TRIO: variants seen among roughly 807,000 people sequenced by gnomAD.
TRIO encodes the protein triple functional domain protein.
A neutral mutation model predicts 351.9 loss-of-function variants in TRIO; 58 were observed. That is an observed-to-expected ratio of 0.16 (90% CI 0.13 to 0.21). The LOEUF is 0.21. Among genes scored for constraint, TRIO ranks in the 10% least tolerant of loss-of-function variants. The probability of loss-of-function intolerance (pLI) is 1.00; values close to 1 mark genes in which losing one functional copy is unlikely to be tolerated. For synonymous variants in TRIO, 1,758 were observed against 1,595.7 expected, an observed-to-expected ratio of 1.10 and a Z score of -2.42; for missense variants, 3,201 against 4,027.8, an observed-to-expected ratio of 0.79 and a Z score of 5.56.
intron 34 of TRIO, among the ~76,000 whole-genome samples, chr5:14,426,636 G>A (rs1279009309): frequency 6.6e-6 from 1 of 152,212 alleles, no homozygotes; most frequent in East Asian, 1.9e-4. Flanking sequence ...AGACAACACA[G>A]GTGTTTTAAA....
intron 1 of TRIO, among the ~76,000 whole-genome samples, chr5:14,157,381 C>T (rs563996206): frequency 6.6e-6 from 1 of 151,944 alleles, no homozygotes; most frequent in East Asian, 1.9e-4. Flanking sequence ...TTCTCTCTCT[C>T]TTTCTCTCTC....
In TRIO at chr5:14,180,865, A is replaced by G. The variant is rs558153731; in HGVS notation, c.157+36983A>G. ...GCCCCCACAAAAAAAAAAAAGAAATATAGGTAGGTAGGCAGTTTTAATTTT... is the reference window on the plus strand; with the variant it reads ...GCCCCCACAAAAAAAAAAAAGAAATGTAGGTAGGTAGGCAGTTTTAATTTT... On this transcript the variant is annotated intron_variant, in intron 1 of 56. Transcript: ENST00000344204. Among the ~76,000 whole-genome samples the G allele has an allele frequency of 2.5e-4, 38 of 151,920 alleles. No individual in the cohort carries two copies. The Middle Eastern group carries it at 0.01, about 41-fold the overall frequency.
chr5:14,357,987 T>C (rs1010281579), intron 11 of TRIO, among the ~76,000 whole-genome samples, 191 bp from the exon 12 acceptor site: 8 of 152,186 alleles, frequency 5.3e-5, no homozygotes, highest in Non-Finnish European at 1.2e-4. Flanking sequence ...GTTGTGCATG[T>C]GTTCCGCTGG....
At chr5:14,249,561 G>A (rs755253432) in intron 1 of TRIO, among the ~76,000 whole-genome samples, 1 of 152,118 alleles carries the variant, frequency 6.6e-6, no homozygotes, top group Non-Finnish European at 1.5e-5. Flanking sequence ...CAGCTGGTCC[G>A]ACCCCTTGGC....
intron 1 of TRIO, among the ~76,000 whole-genome samples, chr5:14,208,402 A>G (rs1183252942): frequency 6.6e-6 from 1 of 152,252 alleles, no homozygotes; most frequent in Non-Finnish European, 1.5e-5. Flanking sequence ...GAAAGAAGCC[A>G]GACACAAAAT....
At chr5:14,146,477 C>T (rs1787530798) in intron 1 of TRIO, among the ~76,000 whole-genome samples, 1 of 152,138 alleles carries the variant, frequency 6.6e-6, no homozygotes, top group African/African-American at 2.4e-5. Context: ...GTTCTTGTTG[C>T]CCGCATTCGG....
At chr5:14,435,132 C>T (rs1447838231) in intron 34 of TRIO, among the ~76,000 whole-genome samples, 1 of 152,152 alleles carries the variant, frequency 6.6e-6, no homozygotes, top group Non-Finnish European at 1.5e-5. Flanking sequence ...ACAGGGTCCT[C>T]ATCCATCCCA....
At chr5:14,219,164 G>C (rs1048987474) in intron 1 of TRIO, among the ~76,000 whole-genome samples, 3 of 152,138 alleles carry the variant, frequency 2.0e-5, no homozygotes, top group Non-Finnish European at 2.9e-5. Flanking sequence ...AGAAACTTAA[G>C]TTTAAGGCCA....
At position 14,297,283 on chromosome 5, in the gene TRIO, A is replaced by G; in HGVS notation, c.1368+20A>G. The G allele has an allele frequency of 6.2e-7, 1 of 1,608,334 alleles. No individual in the cohort carries two copies. The highest frequency in any genetic ancestry group is 8.5e-7 in the Non-Finnish European group (1 of 1,176,750). On this transcript the variant is annotated intron_variant, in intron 7 of 56. Coordinates refer to ENST00000344204, the MANE Select transcript of TRIO (RefSeq NM_007118.4). ...GAAAAGGTCAGTGCCTTGAACCCCC[A>G]GCCCACGAGGTGGTAACCAGAATAG...
At chr5:14,388,480 A>C in intron 23 of TRIO, 133 bp from the exon 24 acceptor site, 1 of 844,796 alleles carries the variant, frequency 1.2e-6, no homozygotes, top group Non-Finnish European at 1.9e-6. Flanking sequence ...TCTATTTGTG[A>C]TTCACCTCTC....
intron 9 of TRIO, among the ~76,000 whole-genome samples, chr5:14,317,729 C>G (rs1037554365): frequency 6.6e-6 from 1 of 152,194 alleles, no homozygotes; most frequent in Non-Finnish European, 1.5e-5. Flanking sequence ...CGGTGGCTCA[C>G]GCCTGTAATC....
rs1415440549 is a variant in TRIO at position 14,390,830 on chromosome 5, T to G, written c.4129-71T>G. On this transcript the variant is annotated intron_variant, in intron 26 of 56. Coordinates refer to ENST00000344204, the MANE Select transcript of TRIO (RefSeq NM_007118.4). ...ATTTCCGTTATCCATACTGCTTCTT[T>G]TCTATATGAAAGTTTATCATGCGTT... 24 of 1,331,584 alleles carry G rather than the reference T, an allele frequency of 1.8e-5. No individual in the cohort carries two copies. In the East Asian group the frequency reaches 6.0e-4, roughly 33 times the overall value. 82.5% of individuals were successfully genotyped at this position (1,331,584 alleles called of 1,614,324 possible).
At chr5:14,411,902 T>C (rs1749235845) in intron 33 of TRIO, among the ~76,000 whole-genome samples, 1 of 151,954 alleles carries the variant, frequency 6.6e-6, no homozygotes, top group Non-Finnish European at 1.5e-5. Flanking sequence ...CCCCACTGCA[T>C]CCAGCCAGTT....
At chr5:14,144,751 GC>G in intron 1 of TRIO, among the ~76,000 whole-genome samples, 1 of 152,030 alleles carries the variant, frequency 6.6e-6, no homozygotes, top group Admixed American at 6.5e-5. Flanking sequence ...TGCGCAGGGG[GC>G]GTGACAGGGC....
chr5:14,311,603 G>A (rs945817616), intron 8 of TRIO, among the ~76,000 whole-genome samples: 5 of 152,216 alleles, frequency 3.3e-5, no homozygotes, highest in Admixed American at 1.3e-4. Context: ...AATGTCAACT[G>A]TTGCTGCAGA....
intron 35 of TRIO, among the ~76,000 whole-genome samples, chr5:14,462,525 C>G (rs1753905284): frequency 6.6e-6 from 1 of 152,200 alleles, no homozygotes. Context: ...CATTGGCAGT[C>G]CCTTTATATG....
intron 10 of TRIO, 31 bp downstream of exon 10, chr5:14,330,931 A>G (rs1006831489): frequency 6.2e-7 from 1 of 1,611,488 alleles, no homozygotes; most frequent in Non-Finnish European, 8.5e-7. Flanking sequence ...ATTTTATCCC[A>G]TAAATACCCG....
At position 14,508,708 on chromosome 5, in the gene TRIO, A is replaced by G; in HGVS notation, c.*286A>G. On this transcript the variant is annotated 3_prime_UTR_variant, in exon 57 of 57. Coordinates refer to ENST00000344204, the MANE Select transcript of TRIO (RefSeq NM_007118.4). ...AATAAAAAGATAACTTTTTTAAACA[A>G]ACATGAATAGAATTTTGCAAATTTA... 3.1e-6 allele frequency: 1 copy of G among 327,538 alleles called. No individual in the cohort carries two copies. The highest frequency in any genetic ancestry group is 5.6e-6 in the Non-Finnish European group (1 of 180,102). 20.3% of individuals were successfully genotyped at this position (327,538 alleles called of 1,614,324 possible). A position where few individuals can be genotyped will look rare whatever the true frequency, so the allele number is the denominator to read the frequency against.
At chr5:14,171,249 A>G (rs1268660260) in intron 1 of TRIO, among the ~76,000 whole-genome samples, 1 of 152,234 alleles carries the variant, frequency 6.6e-6, no homozygotes, top group Non-Finnish European at 1.5e-5. Flanking sequence ...ATTGTTATAG[A>G]AGAAACAAAA....
Sources: allele counts gnomAD v4.1 joint callset (sites outside exome capture counted in the v4.1 genomes callset), GRCh38; gene constraint gnomAD v4.1.1; transcripts MANE v1.5; gene names NCBI Gene and HGNC (gene_info 2026-07-23, HGNC 2026-07-21).